RBFOX1: variants seen among roughly 807,000 people sequenced by gnomAD.
The protein encoded by RBFOX1 is RNA binding fox-1 homolog 1.
In RBFOX1, 8 loss-of-function variants were observed where a neutral mutation model predicts 57.7. The ratio of observed to expected loss-of-function variants is 0.14; its 90% CI spans 0.08 to 0.25. RBFOX1 has a LOEUF of 0.25. RBFOX1 is among the 10% of genes least tolerant of loss of function. The pLI is 1.00. For synonymous variants in RBFOX1, 326 were observed against 222.4 expected (o/e 1.47, Z -4.15); for missense variants, 611 against 548.5 (o/e 1.11, Z -1.14).
At chr16:5,420,089 G>A (rs2067271127) in intron 1 of RBFOX1, among the ~76,000 whole-genome samples, 1 of 152,202 alleles carries the variant, frequency 6.6e-6, no homozygotes, top group Non-Finnish European at 1.5e-5. Flanking sequence ...GACGGGTGCT[G>A]TTTCAAGCTG....
chr16:5,952,137 AGGTTTTGTTTTTT>A (rs2059533980), intron 4 of RBFOX1, among the ~76,000 whole-genome samples: 1 of 150,508 alleles, frequency 6.6e-6, no homozygotes, highest in African/African-American at 2.4e-5. Context: ...ATATATATAT[AGGTTTTGTTTTTT>A]GGTTTTGTTT....
intron 2 of RBFOX1, among the ~76,000 whole-genome samples, chr16:6,633,120 C>G (rs1170494226): frequency 2.6e-5 from 4 of 152,214 alleles, no homozygotes; most frequent in African/African-American, 9.6e-5. Context: ...ATTGTGCCCA[C>G]TTCACAGATG....
chr16:5,756,244 A>AC (rs1375279087), intron 3 of RBFOX1, among the ~76,000 whole-genome samples: 3 of 151,118 alleles, frequency 2.0e-5, no homozygotes, highest in East Asian at 3.9e-4. Flanking sequence ...AAAAAAAAAA[A>AC]AAAACCCTGC....
chr16:7,479,061 C>G (rs1264647846), intron 4 of RBFOX1, among the ~76,000 whole-genome samples: 1 of 151,594 alleles, frequency 6.6e-6, no homozygotes, highest in Non-Finnish European at 1.5e-5. Context: ...AAAGTGGAGT[C>G]ATAGGCAGGA....
intron 1 of RBFOX1, among the ~76,000 whole-genome samples, chr16:6,216,347 G>T (rs1018333541): frequency 6.6e-6 from 1 of 152,080 alleles, no homozygotes; most frequent in Non-Finnish European, 1.5e-5. Context: ...CTTTTATTAG[G>T]CTGTATTCCC....
intron 1 of RBFOX1, among the ~76,000 whole-genome samples, chr16:5,404,843 G>A (rs968922171): frequency 1.3e-5 from 2 of 152,196 alleles, no homozygotes; most frequent in Non-Finnish European, 2.9e-5. Context: ...GAGCGACAAA[G>A]CCATGAAACC....
At chr16:7,306,087 A>G (rs752827621) in intron 4 of RBFOX1, among the ~76,000 whole-genome samples, 29 of 152,244 alleles carry the variant, frequency 1.9e-4, no homozygotes, top group Non-Finnish European at 3.1e-4. Context: ...TTATTTATTA[A>G]TCAATTTGAA....
Position 6,615,803 on chromosome 16 carries a change from G to T in RBFOX1, c.-63-38800G>T, listed in dbSNP as rs370912756. ...TCAGCTCTGCCATTAACAGCAGATGGATGGAGACACAGCCGCATTTCCCTT... is the reference window on the plus strand; with the variant it reads ...TCAGCTCTGCCATTAACAGCAGATGTATGGAGACACAGCCGCATTTCCCTT... On this transcript the variant is annotated intron_variant, in intron 2 of 15. Coordinates refer to ENST00000550418, the MANE Select transcript of RBFOX1 (RefSeq NM_018723.4). Among the ~76,000 whole-genome samples, 14 of 152,252 alleles carry T rather than the reference G, an allele frequency of 9.2e-5. No individual in the cohort carries two copies. The East Asian group carries it at 1.4e-3, about 15-fold the overall frequency.
At chr16:6,485,745 G>C (rs9302821) in intron 2 of RBFOX1, among the ~76,000 whole-genome samples, 7 of 151,998 alleles carry the variant, frequency 4.6e-5, no homozygotes, top group Admixed American at 2.0e-4. Flanking sequence ...GGGTTTATAC[G>C]AAAGTACTTT....
At chr16:6,585,355 A>G (rs2097593708) in intron 2 of RBFOX1, among the ~76,000 whole-genome samples, 2 of 152,194 alleles carry the variant, frequency 1.3e-5, no homozygotes, top group African/African-American at 4.8e-5. Context: ...GTGCTGTTAT[A>G]GTCTCCAAAA....
intron 4 of RBFOX1, among the ~76,000 whole-genome samples, chr16:7,289,055 T>A (rs866930360): frequency 2.6e-5 from 4 of 152,110 alleles, no homozygotes; most frequent in African/African-American, 9.7e-5. Context: ...GATCATAAAT[T>A]ATTAACATCC....
chr16:7,463,431 G>C (rs1231326623), intron 4 of RBFOX1, among the ~76,000 whole-genome samples: 2 of 152,206 alleles, frequency 1.3e-5, no homozygotes, highest in Non-Finnish European at 2.9e-5. Context: ...TTGAACCCGG[G>C]ACGTAGGGGT....
intron 4 of RBFOX1, among the ~76,000 whole-genome samples, chr16:7,240,539 T>C (rs942200351): frequency 2.6e-5 from 4 of 151,962 alleles, no homozygotes; most frequent in African/African-American, 9.7e-5. Context: ...CGTGGTGTTT[T>C]TTGTTTGTTT....
intron 3 of RBFOX1, among the ~76,000 whole-genome samples, chr16:5,708,492 C>G (rs550875152): frequency 6.6e-6 from 1 of 152,292 alleles, no homozygotes; most frequent in South Asian, 2.1e-4. Flanking sequence ...CCACCTGCGT[C>G]CAGCTGGATC....
At chr16:7,257,688 C>A (rs953258899) in intron 4 of RBFOX1, among the ~76,000 whole-genome samples, 15 of 152,288 alleles carry the variant, frequency 9.8e-5, no homozygotes, top group African/African-American at 3.1e-4. Flanking sequence ...GTGTTTATTT[C>A]TTTGTGGCCA....
chr16:7,526,125 C>G (rs1319180555), intron 5 of RBFOX1, among the ~76,000 whole-genome samples: 1 of 152,098 alleles, frequency 6.6e-6, no homozygotes, highest in African/African-American at 2.4e-5. Flanking sequence ...ACTGTACATG[C>G]GAGGGATCTA....
intron 1 of RBFOX1, among the ~76,000 whole-genome samples, chr16:6,117,244 C>T (rs1291246263): frequency 3.3e-5 from 5 of 151,922 alleles, no homozygotes; most frequent in African/African-American, 1.2e-4. Context: ...GTGTAAATTC[C>T]TAGGAATTTG....
chr16:5,608,680 T>C (rs1161574361), intron 3 of RBFOX1, among the ~76,000 whole-genome samples: 1 of 152,222 alleles, frequency 6.6e-6, no homozygotes, highest in Non-Finnish European at 1.5e-5. Flanking sequence ...GAGTTGTCTG[T>C]TACAAGGCTG....
chr16:6,756,231 C>G (rs2075766787), intron 3 of RBFOX1, among the ~76,000 whole-genome samples: 1 of 152,106 alleles, frequency 6.6e-6, no homozygotes, highest in South Asian at 2.1e-4. Flanking sequence ...AAAGGACACC[C>G]TCTTCAATAA....
Sources: allele counts gnomAD v4.1 joint callset (sites outside exome capture counted in the v4.1 genomes callset), GRCh38; gene constraint gnomAD v4.1.1; transcripts MANE v1.5; gene names NCBI Gene and HGNC (gene_info 2026-07-23, HGNC 2026-07-21).